The following ANKHD1 variants were observed in gnomAD, a reference collection of about 807,000 sequenced individuals.
The protein encoded by ANKHD1 is ankyrin repeat and KH domain containing 1, also known as ankyrin repeat and KH domain-containing protein 1.
In ANKHD1, 31 loss-of-function variants were observed where a neutral mutation model predicts 230.5. The observed-to-expected ratio is 0.13, with a 90% CI of 0.10 to 0.18. The LOEUF is 0.18. Among genes scored for constraint, ANKHD1 ranks in the 10% least tolerant of loss-of-function variants. The pLI, the probability that ANKHD1 is intolerant of heterozygous loss-of-function variation, is 1.00. For synonymous variants in ANKHD1, 1,074 were observed against 1,117.6 expected (o/e 0.96, Z 0.78); for missense variants, 2,256 against 3,071.3 (o/e 0.73, Z 6.27).
intron 5 of ANKHD1, among the ~76,000 whole-genome samples, chr5:140,444,980 G>A (rs899224699): frequency 5.9e-5 from 9 of 152,022 alleles, no homozygotes; most frequent in African/African-American, 2.2e-4. Context: ...CTTGCCTCTA[G>A]AGGAGCAGGG....
At chr5:140,473,147 G>A (rs1273123913) in intron 10 of ANKHD1, among the ~76,000 whole-genome samples, 10 of 150,950 alleles carry the variant, frequency 6.6e-5, no homozygotes. Context: ...TCCTGCCCCA[G>A]CCTCCCAAGT....
Position 140,527,789 on chromosome 5 carries a change from G to A in ANKHD1, c.5088-84G>A, listed in dbSNP as rs1018514505. On this transcript the variant is annotated intron_variant, in intron 27 of 33. Transcript: ENST00000360839. This position sits in a 1 kb window ranked among gnomAD's most constrained non-coding sequence, Gnocchi z 4.5. Reference sequence around the variant, plus strand: ...TTTAAGAAATGTTATTCTCCAAAATGTCCATGAACATACTTACTAAGACAT... The same window carrying A: ...TTTAAGAAATGTTATTCTCCAAAATATCCATGAACATACTTACTAAGACAT... The A allele has an allele frequency of 1.2e-5, 17 of 1,418,326 alleles. No individual in the cohort carries two copies. In the African/African-American group the frequency reaches 2.3e-4, roughly 20 times the overall value. 87.9% of individuals were successfully genotyped at this position (1,418,326 alleles called of 1,614,324 possible).
At chr5:140,534,586 C>T (rs955438781) in intron 29 of ANKHD1, among the ~76,000 whole-genome samples, 2 of 152,110 alleles carry the variant, frequency 1.3e-5, no homozygotes, top group South Asian at 2.1e-4. Flanking sequence ...ATGTGAATTA[C>T]ATCTCGAAGT....
chr5:140,426,237 C>T (rs574804143), intron 1 of ANKHD1, among the ~76,000 whole-genome samples: 3 of 152,294 alleles, frequency 2.0e-5, no homozygotes, highest in Admixed American at 2.0e-4. Context: ...TCAAGCAATT[C>T]TCCTGCCTCA....
chr5:140,507,858 C>G lies in ANKHD1; in HGVS notation c.3625C>G (p.Leu1209Val). 6.2e-7 allele frequency: 1 copy of G among 1,614,110 alleles called. No individual in the cohort carries two copies. Among genetic ancestry groups the G allele is most frequent in the Non-Finnish European group, 8.5e-7 (1 of 1,180,022 alleles). ...MNGHVPAVKL[L>V]LDMGSDINAQ... ...TGGACATGTTCCTGCAGTAAAATTG[C>G]TGCTCGATATGGGTTCAGACATTAA... The change falls in exon 20 of 34, where the codon CTG (leucine) becomes GTG (valine). Residue 1209 changes from leucine to valine, a missense_variant. Around this residue, in one of 13 missense-constraint regions of ANKHD1, gnomAD observed 195 missense variants for 340.3 expected, o/e 0.57. Coordinates refer to ENST00000360839, the MANE Select transcript of ANKHD1 (RefSeq NM_017747.3). This position sits in a 1 kb window ranked among gnomAD's most constrained non-coding sequence, Gnocchi z 4.1.
chr5:140,449,546 C>T (rs1169463447), intron 7 of ANKHD1, among the ~76,000 whole-genome samples: 1 of 151,888 alleles, frequency 6.6e-6, no homozygotes, highest in Non-Finnish European at 1.5e-5. Flanking sequence ...CCTGTAGTCC[C>T]AGCTACTCGG....
At position 140,513,566 on chromosome 5, in the gene ANKHD1, C is replaced by G. The variant is rs1483405583; in HGVS notation, c.4317+87C>G. On this transcript the variant is annotated intron_variant, in intron 24 of 33. Coordinates refer to ENST00000360839, the MANE Select transcript of ANKHD1 (RefSeq NM_017747.3). Reference sequence around the variant, plus strand: ...GCTCACGCCTATGATCCCAGCACTTCAGAAGGCCAAGGCGGGTGGATTACC... The same window carrying G: ...GCTCACGCCTATGATCCCAGCACTTGAGAAGGCCAAGGCGGGTGGATTACC... 15 of 1,359,080 alleles carry G rather than the reference C, an allele frequency of 1.1e-5. No individual in the cohort carries two copies. In the East Asian group the frequency reaches 2.9e-4, roughly 27 times the overall value. The allele number at this position is 1,359,080 out of a possible 1,614,324, so 84.2% of individuals were successfully genotyped here.
chr5:140,528,942 C>T lies in ANKHD1; in HGVS notation c.5996C>T (p.Ala1999Val), dbSNP rs764442059. 21 of 1,614,106 alleles carry T rather than the reference C, an allele frequency of 1.3e-5. No homozygotes were observed. In the South Asian group the frequency reaches 2.3e-4, roughly 18 times the overall value. Residue 1999 changes from alanine (A) to valine (V), a missense_variant, in exon 29 of 34, where the codon GCT becomes GTT. Coordinates refer to ENST00000360839, the MANE Select transcript of ANKHD1 (RefSeq NM_017747.3). ...TCTGCACCTATCACTAGCGGGCAAGCTCCCACCACATTTCTACCTGCAAGT... is the reference window on the plus strand; with the variant it reads ...TCTGCACCTATCACTAGCGGGCAAGTTCCCACCACATTTCTACCTGCAAGT... ...VSSAPITSGQ[A>V]PTTFLPASTS...
At chr5:140,538,722 CTT>C (rs1315262058) in intron 32 of ANKHD1, among the ~76,000 whole-genome samples, 195 bp from the exon 33 acceptor site, 3 of 152,136 alleles carry the variant, frequency 2.0e-5, no homozygotes, top group Admixed American at 1.3e-4. Flanking sequence ...CTTTCTCTCT[CTT>C]GTTTTTTGTT....
chr5:140,497,196 G>T lies in ANKHD1; in HGVS notation c.2922G>T (p.Gly974=), dbSNP rs746643501. 6.8e-6 allele frequency: 11 copies of T among 1,612,758 alleles called. No individual in the cohort carries two copies. In the Admixed American group the frequency reaches 1.2e-4, roughly 17 times the overall value. ...PQIAITGHDQ[G]LLVQEPDGLM... ...TTGCTATTACTGGACATGATCAGGGGCTGTTAGTTCAAGAACCAGATGGAC... is the reference window on the plus strand; with the variant it reads ...TTGCTATTACTGGACATGATCAGGGTCTGTTAGTTCAAGAACCAGATGGAC... The change falls in exon 15 of 34, where the codon GGG becomes GGT. Residue 974 remains glycine, a synonymous_variant. Coordinates refer to ENST00000360839, the MANE Select transcript of ANKHD1 (RefSeq NM_017747.3).
chr5:140,477,068 T>C (rs1210508367), intron 10 of ANKHD1, among the ~76,000 whole-genome samples: 1 of 152,184 alleles, frequency 6.6e-6, no homozygotes, highest in Non-Finnish European at 1.5e-5. Context: ...TAACAAATGC[T>C]GTTTGCAGGA....
intron 1 of ANKHD1, among the ~76,000 whole-genome samples, chr5:140,408,494 G>A (rs954136502): frequency 1.3e-5 from 2 of 152,060 alleles, no homozygotes; most frequent in Non-Finnish European, 2.9e-5. Flanking sequence ...ATAAAAGCAC[G>A]CAGAAATTGT....
chr5:140,468,052 CTTTTTTTTTTTTTTTTTTTTTTTTTTT>C (rs869172143), intron 10 of ANKHD1, among the ~76,000 whole-genome samples: 5 of 52,380 alleles, frequency 9.5e-5, no homozygotes, highest in African/African-American at 3.6e-4. Flanking sequence ...TGTACTAATT[CTTTTTTTTTTTTTTTTTTTTTTTTTTT>C]TTTTTTTTTT....
At chr5:140,504,788 G>A in intron 15 of ANKHD1, 33 bp from the exon 16 acceptor site, 15 of 1,598,804 alleles carry the variant, frequency 9.4e-6, no homozygotes, top group Non-Finnish European at 1.2e-5. Context: ...ACTCTTTTAA[G>A]TGGAATTTAG....
At chr5:140,493,037 C>G (rs1335926087) in intron 14 of ANKHD1, among the ~76,000 whole-genome samples, 1 of 152,058 alleles carries the variant, frequency 6.6e-6, no homozygotes, top group East Asian at 1.9e-4. Flanking sequence ...AGAAACCAAA[C>G]CAAAAAGATG....
chr5:140,416,454 T>C (rs1198153312), intron 1 of ANKHD1, among the ~76,000 whole-genome samples: 1 of 152,188 alleles, frequency 6.6e-6, no homozygotes, highest in Non-Finnish European at 1.5e-5. Flanking sequence ...TAAAGACCAT[T>C]ATTTTCCCAT....
chr5:140,404,739 T>C (rs1182165713), intron 1 of ANKHD1, among the ~76,000 whole-genome samples: 1 of 151,814 alleles, frequency 6.6e-6, no homozygotes, highest in African/African-American at 2.4e-5. Flanking sequence ...TTTTTTTTTT[T>C]TTTTTGAGAC....
intron 29 of ANKHD1, chr5:140,531,228 T>C: frequency 2.7e-6 from 1 of 367,330 alleles, no homozygotes; most frequent in Non-Finnish European, 5.3e-6. Context: ...GCTTGTATGG[T>C]TTCTTTTGTT....
chr5:140,526,492 G>C (rs1753610791), intron 26 of ANKHD1, 49 bp downstream of exon 26: 1 of 1,543,044 alleles, frequency 6.5e-7, no homozygotes, highest in Non-Finnish European at 8.7e-7. Context: ...CCTTCTTCAT[G>C]CCTGGTACAA....
Sources: allele counts gnomAD v4.1 joint callset (sites outside exome capture counted in the v4.1 genomes callset), GRCh38; gene constraint gnomAD v4.1.1; regional missense constraint gnomAD v4.1.1; non-coding constraint Gnocchi (gnomAD v3.1); transcripts MANE v1.5; gene names NCBI Gene and HGNC (gene_info 2026-07-23, HGNC 2026-07-21).